The following SLC9B1 variants were observed in gnomAD, a reference collection of about 807,000 sequenced individuals.
SLC9B1 encodes solute carrier family 9 member B1.
SLC9B1 carries 32 observed loss-of-function variants against 51.7 expected under a neutral mutation model. That is an observed-to-expected ratio of 0.62 (90% CI 0.47 to 0.83). The LOEUF is 0.83. SLC9B1 is among the 40% of genes least tolerant of loss of function. The probability of loss-of-function intolerance (pLI) is 0.00; values close to 1 mark genes in which losing one functional copy is unlikely to be tolerated. For missense variants in SLC9B1, 406 were observed against 613.2 expected, an observed-to-expected ratio of 0.66 and a Z score of 3.57; for synonymous variants, 145 against 212.7, an observed-to-expected ratio of 0.68 and a Z score of 2.77.
At chr4:102,905,205 TTTTG>T (rs1347022337) in intron 11 of SLC9B1, among the ~76,000 whole-genome samples, 1 of 74,154 alleles carries the variant, frequency 1.3e-5, no homozygotes, top group Non-Finnish European at 2.7e-5. Flanking sequence ...GGTTCTTTGT[TTTTG>T]TTTATTTATT....
chr4:102,970,416 T>C (rs1738693438), intron 3 of SLC9B1, among the ~76,000 whole-genome samples: 1 of 152,096 alleles, frequency 6.6e-6, no homozygotes, highest in Non-Finnish European at 1.5e-5. Flanking sequence ...AGAAATAAAA[T>C]CCTTTACAGA....
In SLC9B1 at chr4:102,989,855, C is replaced by CT; in HGVS notation, c.155dup (p.Glu53GlyfsTer36). The CT allele has an allele frequency of 6.2e-7, 1 of 1,602,470 alleles. No homozygotes were observed. Among genetic ancestry groups the CT allele is most frequent in the Non-Finnish European group, 8.5e-7 (1 of 1,172,060 alleles). On this transcript the variant is annotated frameshift_variant, in exon 3 of 12. Coordinates refer to ENST00000296422, the MANE Select transcript of SLC9B1 (RefSeq NM_139173.4). ...TTAGAGGACAAGAAATGTATGTCTC[C>CT]TTTTTTGTCTGTGGTTTTATTTCTT...
At chr4:102,915,763 T>G (rs1324121276) in intron 7 of SLC9B1, among the ~76,000 whole-genome samples, 1 of 152,176 alleles carries the variant, frequency 6.6e-6, no homozygotes, top group Admixed American at 6.5e-5. Context: ...GAATAAACAA[T>G]ATAAAAATAT....
intron 11 of SLC9B1, among the ~76,000 whole-genome samples, chr4:102,903,990 T>G (rs185195887): frequency 6.6e-6 from 1 of 152,252 alleles, no homozygotes; most frequent in African/African-American, 2.4e-5. Flanking sequence ...AAATGTGCAT[T>G]TGTGTGATGG....
intron 6 of SLC9B1, among the ~76,000 whole-genome samples, chr4:102,938,772 T>G (rs1736845122): frequency 6.6e-6 from 1 of 152,146 alleles, no homozygotes; most frequent in South Asian, 2.1e-4. Context: ...TGTGCCTGAA[T>G]GACTTTTGGG....
intron 7 of SLC9B1, among the ~76,000 whole-genome samples, chr4:102,924,184 G>A (rs1437399406): frequency 6.6e-6 from 1 of 152,178 alleles, no homozygotes; most frequent in African/African-American, 2.4e-5. Flanking sequence ...AACCAAAACA[G>A]CATGGTACTG....
intron 11 of SLC9B1, 24 bp from the exon 12 acceptor site, chr4:102,901,356 G>A (rs769049450): frequency 1.2e-6 from 2 of 1,610,096 alleles, no homozygotes; most frequent in South Asian, 2.2e-5. Context: ...TAAAAATGGG[G>A]CATAAAGAAA....
intron 1 of SLC9B1, among the ~76,000 whole-genome samples, chr4:103,008,156 A>G (rs2110537911): frequency 6.6e-6 from 1 of 152,348 alleles, no homozygotes; most frequent in Admixed American, 6.5e-5. Context: ...ACACACATAT[A>G]TACATATCTT....
At chr4:102,955,472 T>A (rs541196303) in intron 3 of SLC9B1, among the ~76,000 whole-genome samples, 1 of 152,158 alleles carries the variant, frequency 6.6e-6, no homozygotes, top group African/African-American at 2.4e-5. Flanking sequence ...TTTTACCAGT[T>A]TGAAGCTGGA....
intron 3 of SLC9B1, among the ~76,000 whole-genome samples, chr4:102,960,368 G>T (rs950606856): frequency 2.2e-4 from 33 of 152,114 alleles, no homozygotes; most frequent in African/African-American, 7.9e-4. Context: ...ACTGGCAAAG[G>T]CTATGGAGTA....
chr4:102,892,654 CAGAT>C (rs985141688), intron 11 of SLC9B1: 2 of 152,102 alleles, frequency 1.3e-5, no homozygotes, highest in East Asian at 1.9e-4. Context: ...ACACTGTTGT[CAGAT>C]AGATCAGCCA....
At chr4:102,903,639 T>A (rs1293258352) in intron 11 of SLC9B1, among the ~76,000 whole-genome samples, 2 of 152,276 alleles carry the variant, frequency 1.3e-5, no homozygotes, top group Non-Finnish European at 2.9e-5. Flanking sequence ...TGTTTTGGAA[T>A]AACAACTAAG....
intron 3 of SLC9B1, among the ~76,000 whole-genome samples, chr4:102,984,931 T>A (rs1254942341): frequency 6.6e-6 from 1 of 152,172 alleles, no homozygotes; most frequent in Non-Finnish European, 1.5e-5. Flanking sequence ...ATCCTCCTAT[T>A]CAGCCTCCAG....
intron 3 of SLC9B1, among the ~76,000 whole-genome samples, chr4:102,956,480 A>ATT (rs1737821690): frequency 6.6e-6 from 1 of 152,186 alleles, no homozygotes; most frequent in South Asian, 2.1e-4. Flanking sequence ...ATTAATTGCA[A>ATT]CTTTGAATGC....
chr4:102,967,010 G>C (rs1179685055), intron 3 of SLC9B1, among the ~76,000 whole-genome samples: 2 of 152,180 alleles, frequency 1.3e-5, no homozygotes, highest in Non-Finnish European at 2.9e-5. Context: ...CAAAGCCTTA[G>C]AAACAACACA....
chr4:102,944,502 A>G (rs1337244676), intron 6 of SLC9B1, among the ~76,000 whole-genome samples: 1 of 152,256 alleles, frequency 6.6e-6, no homozygotes, highest in Non-Finnish European at 1.5e-5. Flanking sequence ...AATTTTTAAA[A>G]TAAAAGTGCA....
chr4:102,939,685 A>ATATCAAAAAGCTAGTCCAC (rs1434996698), intron 6 of SLC9B1, among the ~76,000 whole-genome samples: 1 of 152,250 alleles, frequency 6.6e-6, no homozygotes, highest in African/African-American at 2.4e-5. Flanking sequence ...ATCCAGCAGC[A>ATATCAAAAAGCTAGTCCAC]TATCAAAAAG....
chr4:102,955,903 G>GAA (rs1560950270), intron 3 of SLC9B1, among the ~76,000 whole-genome samples: 6,171 of 81,710 alleles, frequency 0.076, 284 homozygotes, highest in Middle Eastern at 0.087. Context: ...GAAAGAAAGA[G>GAA]AGAGAAAGAC....
Position 102,956,074 on chromosome 4 carries a change from C to T in SLC9B1, c.212-6647G>A, listed in dbSNP as rs181038805. Among the ~76,000 whole-genome samples, 10 of 152,164 alleles carry T rather than the reference C, an allele frequency of 6.6e-5. No individual in the cohort carries two copies. In the East Asian group the frequency reaches 1.9e-3, roughly 29 times the overall value. On this transcript the variant is annotated intron_variant, in intron 3 of 11. Coordinates refer to ENST00000296422, the MANE Select transcript of SLC9B1 (RefSeq NM_139173.4). ...TTCTGGTACATGTGAAGGACAGTAA[C>T]CTCCGTAAAATCCTGAGTACTGAGT...
Sources: allele counts gnomAD v4.1 joint callset (sites outside exome capture counted in the v4.1 genomes callset), GRCh38; gene constraint gnomAD v4.1.1; transcripts MANE v1.5; gene names NCBI Gene and HGNC (gene_info 2026-07-23, HGNC 2026-07-21).